The following PRRC2C variants were observed in gnomAD, a reference collection of about 807,000 sequenced individuals.
PRRC2C encodes the protein protein PRRC2C.
A neutral mutation model predicts 317.2 loss-of-function variants in PRRC2C; 72 were observed. The ratio of observed to expected loss-of-function variants is 0.23; its 90% confidence interval spans 0.19 to 0.28. PRRC2C has a LOEUF of 0.28. Ranked by LOEUF, PRRC2C falls within the 10% of genes least tolerant of loss-of-function variation. The pLI is 1.00. For synonymous variants in PRRC2C, 1,296 were observed against 1,205.9 expected, an observed-to-expected ratio of 1.07 and a Z score of -1.55; for missense variants, 3,074 against 3,459.7, an observed-to-expected ratio of 0.89 and a Z score of 2.80.
At chr1:171,559,638 C>T (rs995895282) in intron 19 of PRRC2C, among the ~76,000 whole-genome samples, 2 of 151,058 alleles carry the variant, frequency 1.3e-5, no homozygotes, top group African/African-American at 4.9e-5. Flanking sequence ...TCCCCTGCCT[C>T]AGCCTCCTGA....
chr1:171,555,072 C>T (rs1681090082), intron 18 of PRRC2C, among the ~76,000 whole-genome samples: 1 of 152,220 alleles, frequency 6.6e-6, no homozygotes, highest in Non-Finnish European at 1.5e-5. Flanking sequence ...AACTTGGTTC[C>T]ATTCTCCCCG....
intron 20 of PRRC2C, among the ~76,000 whole-genome samples, chr1:171,565,013 A>G (rs911704085): frequency 2.6e-5 from 4 of 152,174 alleles, no homozygotes; most frequent in Non-Finnish European, 4.4e-5. Flanking sequence ...TAGTGATTCA[A>G]TTATTAAAAC....
Position 171,591,885 on chromosome 1 carries a change from G to GCCCCCCCCCCCCCCCCCCC in PRRC2C, c.*38_*39insCCCCCCCCCCCCCCCCCCC. On this transcript the variant is annotated 3_prime_UTR_variant, in exon 35 of 35. Coordinates refer to ENST00000647382, the MANE Select transcript of PRRC2C (RefSeq NM_001387844.1). ...ATTGCAGGGGATTGGGAGGGGGGCG[G>GCCCCCCCCCCCCCCCCCCC]GAAAACATGGAGAATTAAGTCAGAT... The GCCCCCCCCCCCCCCCCCCC allele has an allele frequency of 2.3e-6, 1 of 433,596 alleles. No individual in the cohort carries two copies. Among genetic ancestry groups the GCCCCCCCCCCCCCCCCCCC allele is most frequent in the Non-Finnish European group, 4.3e-6 (1 of 233,620 alleles). 26.9% of individuals were successfully genotyped at this position (433,596 alleles called of 1,614,324 possible). A position where few individuals can be genotyped will look rare whatever the true frequency, so the allele number is the denominator to read the frequency against.
chr1:171,573,676 T>TC (rs1386157088), intron 24 of PRRC2C, among the ~76,000 whole-genome samples: 1 of 133,622 alleles, frequency 7.5e-6, no homozygotes, highest in East Asian at 2.2e-4. Flanking sequence ...CAAAATTCTT[T>TC]TTTTTTTTTT....
chr1:171,541,896 T>C lies in PRRC2C; in HGVS notation c.4430T>C (p.Ile1477Thr), dbSNP rs745979170. The C allele has an allele frequency of 6.2e-7, 1 of 1,613,834 alleles. No individual in the cohort carries two copies. Among genetic ancestry groups the C allele is most frequent in the Non-Finnish European group, 8.5e-7 (1 of 1,179,832 alleles). The change falls in exon 16 of 35, where the codon ATT becomes ACT. Residue 1477 changes from isoleucine (I) to threonine (T), a missense_variant. Around this residue, in one of 11 missense-constraint regions of PRRC2C, gnomAD observed 1,320 missense variants for 1,395.7 expected, o/e 0.95. Transcript: ENST00000647382. This position sits in a 1 kb window ranked among gnomAD's most constrained non-coding sequence, Gnocchi z 4.1. ...GAACCAGTTAATACTCTTGGGGATA[T>C]TTCCGGGAATAAGACACCAGATTTA... ...AQEPVNTLGDISGNKTPDLSN... is the reference protein window; with the variant it reads ...AQEPVNTLGDTSGNKTPDLSN...
chr1:171,540,419 A>G lies in PRRC2C; in HGVS notation c.2953A>G (p.Lys985Glu). The change falls in exon 16 of 35, where the codon AAA becomes GAA. Residue 985 changes from lysine (K) to glutamate (E), a missense_variant. Coordinates refer to ENST00000647382, the MANE Select transcript of PRRC2C (RefSeq NM_001387844.1). ...IRSSEGPKPEKVYKSKSETRW... is the reference protein window; with the variant it reads ...IRSSEGPKPEEVYKSKSETRW... Reference sequence around the variant, plus strand: ...ATCTTCTGAAGGACCAAAACCTGAAAAAGTATATAAATCTAAATCAGAAAC... The same window carrying G: ...ATCTTCTGAAGGACCAAAACCTGAAGAAGTATATAAATCTAAATCAGAAAC... 1 of 1,613,136 alleles carries G rather than the reference A, an allele frequency of 6.2e-7. No homozygotes were observed. Among genetic ancestry groups the G allele is most frequent in the South Asian group, 1.1e-5 (1 of 90,926 alleles).
chr1:171,543,009 C>T (rs1465935872), intron 16 of PRRC2C, among the ~76,000 whole-genome samples: 1 of 150,906 alleles, frequency 6.6e-6, no homozygotes, highest in Non-Finnish European at 1.5e-5. Context: ...ATCCACCCGC[C>T]TCGGCCTCCC....
In PRRC2C at chr1:171,514,640, G is replaced by A; in HGVS notation, c.395G>A (p.Gly132Glu). Residue 132 changes from glycine (G) to glutamate (E), a missense_variant, in exon 4 of 35, where the codon GGA becomes GAA. Physicochemically the swap from Gly to Glu is moderately conservative, Grantham distance 98. Coordinates refer to ENST00000647382, the MANE Select transcript of PRRC2C (RefSeq NM_001387844.1). ...GCCAGTAACAAGCAAGGTGGGCAAG[G>A]AGATGGTAAGTGGACATTAGTTGGG... ...SWASNKQGGQ[G>E]DGIQVNSQFQ... is the part of the protein sequence containing the mutation. The A allele has an allele frequency of 1.3e-6, 2 of 1,555,286 alleles. No homozygotes were observed. The highest frequency in any genetic ancestry group is 1.4e-5 in the African/African-American group (1 of 73,220).
In PRRC2C at chr1:171,542,096, A is replaced by G; in HGVS notation, c.4630A>G (p.Ser1544Gly). The G allele has an allele frequency of 6.2e-7, 1 of 1,613,974 alleles. No homozygotes were observed. Residue 1544 changes from serine (S) to glycine (G), a missense_variant, in exon 16 of 35, where the codon AGT (serine) becomes GGT (glycine). This residue lies in a region of PRRC2C where 178 missense variants were observed against 163.0 expected (regional missense o/e 1.09). Coordinates refer to ENST00000647382, the MANE Select transcript of PRRC2C (RefSeq NM_001387844.1). ...TCCAAAGAGGGAAATTGCAAAGAGA[A>G]GTTTTTCTAGTCAGAGACCAGTAGA... The part of the protein sequence containing the change: ...LPPKREIAKR[S>G]FSSQRPVDRQ...
intron 23 of PRRC2C, among the ~76,000 whole-genome samples, chr1:171,569,935 T>C (rs2102744371): frequency 6.6e-6 from 1 of 152,120 alleles, no homozygotes; most frequent in Admixed American, 6.5e-5. Context: ...AGATGAGCAT[T>C]TTGATGGTTT....
rs975732978 is a variant in PRRC2C at position 171,573,791 on chromosome 1, G to GC, written c.6754-1134dup. Among the ~76,000 whole-genome samples the GC allele has an allele frequency of 2.8e-5, 4 of 142,202 alleles. No individual in the cohort carries two copies. The Admixed American group carries it at 3.1e-4, about 11-fold the overall frequency. The allele number at this position is 142,202 out of a possible 152,430, so 93.3% of individuals were successfully genotyped here. ...CCTCCCGGGTTCACGCAATTCTCCTGCCTCAGCCTCCCGAGTAGCTGGATT... is the reference window on the plus strand; with the variant it reads ...CCTCCCGGGTTCACGCAATTCTCCTGCCCTCAGCCTCCCGAGTAGCTGGATT... On this transcript the variant is annotated intron_variant, in intron 24 of 34. Transcript: ENST00000647382.
rs375927798 is a variant in PRRC2C at position 171,526,228 on chromosome 1, G to C, written c.1200+1263G>C. 3.3e-5 allele frequency among the ~76,000 whole-genome samples: 5 copies of C among 152,138 alleles called. No individual in the cohort carries two copies. In the East Asian group the frequency reaches 9.7e-4, roughly 29 times the overall value. On this transcript the variant is annotated intron_variant, in intron 10 of 34. Coordinates refer to ENST00000647382, the MANE Select transcript of PRRC2C (RefSeq NM_001387844.1). ...TTTTAAGATAAATCTCATATTTTTA[G>C]TTTGCCACTAGAAAAGAATTGAGCT... is the stretch of plus-strand genomic sequence containing the variant.
chr1:171,565,102 C>T (rs932455135), intron 20 of PRRC2C, among the ~76,000 whole-genome samples: 5 of 152,128 alleles, frequency 3.3e-5, no homozygotes, highest in African/African-American at 7.2e-5. Flanking sequence ...TGTAACAAAG[C>T]CCTAGGTCAC....
At chr1:171,562,360 A>G (rs57562814) in intron 20 of PRRC2C, among the ~76,000 whole-genome samples, 16,463 of 152,170 alleles carry the variant, frequency 0.11, 1,100 homozygotes, top group East Asian at 0.22. Context: ...GGGCCTATGG[A>G]AGAGGTGGGA....
chr1:171,573,966 C>T (rs936185890), intron 24 of PRRC2C, among the ~76,000 whole-genome samples: 17 of 151,868 alleles, frequency 1.1e-4, no homozygotes, highest in Non-Finnish European at 2.1e-4. Flanking sequence ...GGTGAGCCAC[C>T]GCACCCGGCC....
Position 171,569,575 on chromosome 1 carries a change from A to AATAT in PRRC2C, c.6651+1251_6651+1254dup, listed in dbSNP as rs60832207. Among the ~76,000 whole-genome samples the AATAT allele has an allele frequency of 7.5e-3, 449 of 60,150 alleles. 62 individuals carry two copies. Among genetic ancestry groups the AATAT allele is most frequent in the African/African-American group, 0.022 (399 of 17,838 alleles). 39.5% of individuals were successfully genotyped at this position (60,150 alleles called of 152,430 possible). On this transcript the variant is annotated intron_variant, in intron 23 of 34. Transcript: ENST00000647382. The stretch of plus-strand genomic sequence containing the variant: ...CCCCCACTTTTATGAAAGTGGTTTA[A>AATAT]ATATATATATATATATATGGTTTTT...
intron 28 of PRRC2C, among the ~76,000 whole-genome samples, chr1:171,582,891 A>C (rs1326068978): frequency 6.6e-6 from 1 of 152,084 alleles, no homozygotes; most frequent in Non-Finnish European, 1.5e-5. Flanking sequence ...TTCAATAATA[A>C]ATTAACCTCA....
chr1:171,511,745 C>A, intron 1 of PRRC2C: 1 of 157,912 alleles, frequency 6.3e-6, no homozygotes, highest in Admixed American at 6.3e-5. Context: ...TTAAAATAGA[C>A]AGTCTCAGTG....
At chr1:171,527,299 A>G (rs1468291674) in intron 10 of PRRC2C, among the ~76,000 whole-genome samples, 1 of 149,194 alleles carries the variant, frequency 6.7e-6, no homozygotes, top group African/African-American at 2.5e-5. Flanking sequence ...CGCCTGGCTA[A>G]TTTTTGTATT....
Sources: allele counts gnomAD v4.1 joint callset (sites outside exome capture counted in the v4.1 genomes callset), GRCh38; gene constraint gnomAD v4.1.1; regional missense constraint gnomAD v4.1.1; non-coding constraint Gnocchi (gnomAD v3.1); transcripts MANE v1.5; gene names NCBI Gene and HGNC (gene_info 2026-07-23, HGNC 2026-07-21).